The following MYBPC3 variants were observed in gnomAD, a reference collection of about 807,000 sequenced individuals.
The protein encoded by MYBPC3 is myosin-binding protein C, cardiac-type.
Under a neutral mutation model 159.3 loss-of-function variants are expected in MYBPC3, and 108 were observed. That is an observed-to-expected ratio of 0.68 (90% CI 0.58 to 0.80). The LOEUF (loss-of-function observed/expected upper bound fraction) is 0.80, where lower values mean the gene tolerates loss of function less well. MYBPC3 is among the 30% of genes least tolerant of loss of function. MYBPC3 has a pLI of 0.00. For synonymous variants in MYBPC3, 730 were observed against 702.0 expected (o/e 1.04, Z -0.63); for missense variants, 1,631 against 1,762.1 (o/e 0.93, Z 1.33).
intron 18 of MYBPC3, 56 bp downstream of exon 18, chr11:47,341,931 GTCTC>G (rs1462454969): frequency 1.4e-5 from 22 of 1,538,334 alleles, no homozygotes; most frequent in Admixed American, 5.9e-5. Context: ...TTCTCCCTGT[GTCTC>G]TCTCTGTCTC....
chr11:47,336,184 C>T (rs1357228023), intron 25 of MYBPC3, among the ~76,000 whole-genome samples, 173 bp from the exon 26 acceptor site: 2 of 152,056 alleles, frequency 1.3e-5, no homozygotes, highest in Non-Finnish European at 2.9e-5. Context: ...TGTAGATTGG[C>T]TTAAAAACAA....
At position 47,332,105 on chromosome 11, in the gene MYBPC3, C is replaced by T. The variant is rs730880141; in HGVS notation, c.3781G>A (p.Glu1261Lys). 8.1e-6 allele frequency: 13 copies of T among 1,613,140 alleles called. No homozygotes were observed. Among genetic ancestry groups the T allele is most frequent in the African/African-American group, 1.3e-5 (1 of 74,930 alleles). Residue 1261 changes from glutamate (E) to lysine (K), a missense_variant, in exon 33 of 35, where the codon GAG becomes AAG. Coordinates refer to ENST00000545968, the MANE Select transcript of MYBPC3 (RefSeq NM_000256.3). This position sits in a 1 kb window ranked among gnomAD's most constrained non-coding sequence, Gnocchi z 4.2. Reference sequence around the variant, plus strand: ...TCCAGGCGGCACTCACACCGTGCCTCGCCCTGTAAGTTGGTGGCCCTGCAG... The same window carrying T: ...TCCAGGCGGCACTCACACCGTGCCTTGCCCTGTAAGTTGGTGGCCCTGCAG... ...YVCRATNLQGEARCECRLEVR... is the reference protein window; with the variant it reads ...YVCRATNLQGKARCECRLEVR...
chr11:47,331,817 T>G, intron 34 of MYBPC3, 28 bp downstream of exon 34: 1 of 1,587,188 alleles, frequency 6.3e-7, no homozygotes, highest in Non-Finnish European at 8.6e-7. Flanking sequence ...GCCACTGACT[T>G]GTGCCCTGGG....
rs730880569 is a variant in MYBPC3 at position 47,337,450 on chromosome 11, G to A, written c.2543C>T (p.Ala848Val). The change falls in exon 25 of 35, where the codon GCG (alanine) becomes GTG (valine). Residue 848 changes from alanine (A) to valine (V), a missense_variant. Physicochemically the swap from Ala to Val is moderately conservative, Grantham distance 64 (BLOSUM62 0). Coordinates refer to ENST00000545968, the MANE Select transcript of MYBPC3 (RefSeq NM_000256.3). ...EGVVYEMRVY[A>V]VNAIGMSRPS... is the part of the protein sequence containing the mutation. ...CCTGGACATGCCGATGGCGTTGACC[G>A]CGTAGACGCGCATCTCGTACACCAC... is the stretch of plus-strand genomic sequence containing the variant. The A allele has an allele frequency of 4.3e-6, 7 of 1,613,096 alleles. No individual in the cohort carries two copies. The highest frequency in any genetic ancestry group is 2.2e-5 in the East Asian group (1 of 44,880).
chr11:47,337,428 G>C lies in MYBPC3; in HGVS notation c.2565C>G (p.Ser855=), dbSNP rs763010875. The stretch of plus-strand genomic sequence containing the variant: ...AGGGCTGGGAGGCAGGGCTGGGCCT[G>C]GACATGCCGATGGCGTTGACCGCGT... The part of the protein sequence containing the change: ...RVYAVNAIGM[S]RPSPASQPFM... Residue 855 remains serine, a synonymous_variant, in exon 25 of 35, where the codon TCC becomes TCG. Transcript: ENST00000545968. 2.5e-6 allele frequency: 4 copies of C among 1,609,008 alleles called. No homozygotes were observed. In the South Asian group the frequency reaches 4.4e-5, roughly 18 times the overall value.
At position 47,342,605 on chromosome 11, in the gene MYBPC3, G is replaced by T. The variant is rs1337113054; in HGVS notation, c.1597C>A (p.Gln533Lys). The T allele has an allele frequency of 6.2e-7, 1 of 1,611,230 alleles. No homozygotes were observed. The highest frequency in any genetic ancestry group is 2.2e-5 in the East Asian group (1 of 44,834). The change falls in exon 17 of 35, where the codon CAG (glutamine) becomes AAG (lysine). Residue 533 changes from glutamine to lysine, a missense_variant. Gln to Lys is a moderately conservative substitution (Grantham distance 53). Coordinates refer to ENST00000545968, the MANE Select transcript of MYBPC3 (RefSeq NM_000256.3). ...GHYALCTSGG[Q>K]ALAELIVQEK... The stretch of plus-strand genomic sequence containing the variant: ...TGCACAATGAGCTCAGCCAGCGCCT[G>T]GCCCCCGCTAGTGCACAGTGCATAG...
chr11:47,335,763 C>G, intron 26 of MYBPC3, 114 bp downstream of exon 26: 6 of 928,092 alleles, frequency 6.5e-6, no homozygotes, highest in Non-Finnish European at 9.0e-6. Context: ...CTCTGGGTGT[C>G]CTCAACTTTC....
rs376388588 is a variant in MYBPC3 at position 47,346,989 on chromosome 11, G to A, written c.908+38C>T. 1.0e-5 allele frequency: 8 copies of A among 772,080 alleles called. No individual in the cohort carries two copies. The highest frequency in any genetic ancestry group is 1.7e-5 in the Admixed American group (1 of 58,946). The allele number at this position is 772,080 out of a possible 1,614,324, so 47.8% of individuals were successfully genotyped here. ...GGGAATCCCCTCTGCACCCACCAGC[G>A]CCCTGCCGCCCCCAAACACCCAGAC... On this transcript the variant is annotated intron_variant, in intron 10 of 34. Coordinates refer to ENST00000545968, the MANE Select transcript of MYBPC3 (RefSeq NM_000256.3). This position sits in a 1 kb window ranked among gnomAD's most constrained non-coding sequence, Gnocchi z 5.3.
At chr11:47,347,813 A>C in intron 7 of MYBPC3, 44 bp downstream of exon 7, 1 of 1,552,238 alleles carries the variant, frequency 6.4e-7, no homozygotes. Flanking sequence ...AGGGCCTCAG[A>C]CTCCAGCACT....
chr11:47,343,314 C>G, intron 13 of MYBPC3, 52 bp from the exon 14 acceptor site: 2 of 1,522,944 alleles, frequency 1.3e-6, no homozygotes, highest in Non-Finnish European at 1.8e-6. Context: ...GAAGTGAGCC[C>G]GAGACAAAAG....
At chr11:47,339,586 T>G (rs1183613576) in intron 21 of MYBPC3, 65 bp downstream of exon 21, 2 of 1,512,708 alleles carry the variant, frequency 1.3e-6, no homozygotes. Context: ...CAGCAGGTCC[T>G]AGCACTTGGC....
rs11570109 is a variant in MYBPC3 at position 47,334,709 on chromosome 11, C to T, written c.2905+333G>A. Among the ~76,000 whole-genome samples the T allele has an allele frequency of 7.5e-3, 1,144 of 152,234 alleles. 15 individuals carry two copies. The highest frequency in any genetic ancestry group is 0.026 in the African/African-American group (1,097 of 41,536). On this transcript the variant is annotated intron_variant, in intron 27 of 34. Transcript: ENST00000545968. Reference sequence around the variant, plus strand: ...CCAAGTAGTTGAGGGACTACAGGCACGCGCCACCACACCTGGCTAGTTTTT... The same window carrying T: ...CCAAGTAGTTGAGGGACTACAGGCATGCGCCACCACACCTGGCTAGTTTTT...
Position 47,332,219 on chromosome 11 carries a change from C to T in MYBPC3, c.3667G>A (p.Glu1223Lys), listed in dbSNP as rs748603864. Residue 1223 changes from glutamate (E) to lysine (K), a missense_variant, in exon 33 of 35, where the codon GAA (glutamate) becomes AAA (lysine). By Grantham distance (56) the Glu-to-Lys change is moderately conservative. Coordinates refer to ENST00000545968, the MANE Select transcript of MYBPC3 (RefSeq NM_000256.3). This position sits in a 1 kb window ranked among gnomAD's most constrained non-coding sequence, Gnocchi z 4.2. Reference protein sequence around the residue: ...SWFKNGLDLGEDARFRMFSKQ... With the variant: ...SWFKNGLDLGKDARFRMFSKQ... The stretch of plus-strand genomic sequence containing the variant: ...CTGAACATGCGGAAGCGGGCGTCTT[C>T]TCCCAGGTCCAGGCCATTCTTGAAC... 1 of 1,613,886 alleles carries T rather than the reference C, an allele frequency of 6.2e-7. No homozygotes were observed. The highest frequency in any genetic ancestry group is 8.5e-7 in the Non-Finnish European group (1 of 1,179,894).
rs1041197781 is a variant in MYBPC3, at chr11:47,338,759, C to T, written c.2149-80G>A. ...AGCCTCCGCCAACAGCCAGATGTCC[C>T]GGGGGTCCATGGGGGGAACACAGCC... On this transcript the variant is annotated intron_variant, in intron 22 of 34. Coordinates refer to ENST00000545968, the MANE Select transcript of MYBPC3 (RefSeq NM_000256.3). The surrounding 1 kb of genome is among the most constrained non-coding windows in gnomAD (Gnocchi z 4.7). 4.2e-5 allele frequency: 61 copies of T among 1,467,916 alleles called. 1 individual carries two copies. Among genetic ancestry groups the T allele is most frequent in the South Asian group, 3.4e-4 (25 of 73,816 alleles). 90.9% of individuals were successfully genotyped at this position (1,467,916 alleles called of 1,614,324 possible).
At chr11:47,336,074 C>G in intron 25 of MYBPC3, 63 bp from the exon 26 acceptor site, 2 of 1,364,282 alleles carry the variant, frequency 1.5e-6, no homozygotes, top group Non-Finnish European at 9.5e-7. Flanking sequence ...GATCCATGCC[C>G]TAGACTCTGA....
At position 47,347,419 on chromosome 11, in the gene MYBPC3, G is replaced by C. The variant is rs2095895367; in HGVS notation, c.905+7C>G. On this transcript the variant is annotated splice_region_variant and intron_variant, in intron 9 of 34. Transcript: ENST00000545968. Reference sequence around the variant, plus strand: ...AGCTGCCCCAGGAACTGCCACCCAGGACTCACCTCTTTTTCAGCAGTGAGC... The same window carrying C: ...AGCTGCCCCAGGAACTGCCACCCAGCACTCACCTCTTTTTCAGCAGTGAGC... 1 of 1,580,578 alleles carries C rather than the reference G, an allele frequency of 6.3e-7. No homozygotes were observed. Among genetic ancestry groups the C allele is most frequent in the Non-Finnish European group, 8.6e-7 (1 of 1,163,526 alleles).
intron 2 of MYBPC3, 66 bp from the exon 3 acceptor site, chr11:47,350,681 C>CT: frequency 7.1e-7 from 1 of 1,409,966 alleles, no homozygotes; most frequent in Non-Finnish European, 9.2e-7. Flanking sequence ...CCTCTCTCTC[C>CT]TGAGCATTGG....
intron 9 of MYBPC3, 167 bp downstream of exon 9, chr11:47,347,259 A>G (rs2095895252): frequency 1.0e-6 from 1 of 985,418 alleles, no homozygotes; most frequent in Non-Finnish European, 1.2e-6. Context: ...TAATGTCTGC[A>G]GAGCCCTTTA....
chr11:47,342,366 C>T, intron 17 of MYBPC3, among the ~76,000 whole-genome samples: 1 of 152,214 alleles, frequency 6.6e-6, no homozygotes, highest in Admixed American at 6.5e-5. Context: ...TGGTGATGCT[C>T]ACCAGGCCCG....
Sources: allele counts gnomAD v4.1 joint callset (sites outside exome capture counted in the v4.1 genomes callset), GRCh38; gene constraint gnomAD v4.1.1; non-coding constraint Gnocchi (gnomAD v3.1); transcripts MANE v1.5; gene names NCBI Gene and HGNC (gene_info 2026-07-23, HGNC 2026-07-21).